The following ARHGAP25 variants were observed in gnomAD, a reference collection of about 807,000 sequenced individuals.
The protein encoded by ARHGAP25 is rho GTPase-activating protein 25.
A neutral mutation model predicts 71.0 loss-of-function variants in ARHGAP25; 34 were observed. The ratio of observed to expected loss-of-function variants is 0.48; its 90% CI spans 0.36 to 0.64. The LOEUF (loss-of-function observed/expected upper bound fraction) is 0.64, where lower values mean the gene tolerates loss of function less well. Among genes scored for constraint, ARHGAP25 ranks in the 30% least tolerant of loss-of-function variants. The pLI is 0.00. For synonymous variants in ARHGAP25, 282 were observed against 296.5 expected (o/e 0.95, Z 0.50); for missense variants, 706 against 805.1 (o/e 0.88, Z 1.49).
chr2:68,712,285 A>G (rs576280990), intron 2 of ARHGAP25, among the ~76,000 whole-genome samples: 1 of 152,136 alleles, frequency 6.6e-6, no homozygotes, highest in Non-Finnish European at 1.5e-5. Flanking sequence ...GCTTCTTTTC[A>G]TATGTTCGTT....
intron 1 of ARHGAP25, among the ~76,000 whole-genome samples, chr2:68,739,521 T>C (rs1375063028): frequency 1.3e-5 from 2 of 151,994 alleles, no homozygotes; most frequent in African/African-American, 2.4e-5. Context: ...TTGAGAGAAG[T>C]AAGTTGATGA....
intron 2 of ARHGAP25, among the ~76,000 whole-genome samples, chr2:68,713,925 G>A (rs1674549340): frequency 6.6e-6 from 1 of 152,186 alleles, no homozygotes; most frequent in Admixed American, 6.5e-5. Flanking sequence ...ATGTTCATCA[G>A]GGATATTGGC....
intron 4 of ARHGAP25, among the ~76,000 whole-genome samples, chr2:68,799,675 C>T (rs1679822734): frequency 6.6e-6 from 1 of 152,152 alleles, no homozygotes; most frequent in East Asian, 1.9e-4. Flanking sequence ...CGGTCCTTGA[C>T]AGCTTTATGT....
chr2:68,782,232 G>C lies in ARHGAP25; in HGVS notation c.262-1G>C. On this transcript the variant is annotated splice_acceptor_variant, in intron 2 of 10. Coordinates refer to ENST00000409202, the MANE Select transcript of ARHGAP25 (RefSeq NM_001007231.3). LOFTEE classifies it high-confidence loss of function. ...TTAAGGCCTGACTTTTCATCTTTCA[G>C]GGCTGCATGTATCTACCAGGATGTA... 1 of 1,613,754 alleles carries C rather than the reference G, an allele frequency of 6.2e-7. No individual in the cohort carries two copies. The highest frequency in any genetic ancestry group is 8.5e-7 in the Non-Finnish European group (1 of 1,179,814).
chr2:68,713,464 C>T (rs1342576230), intron 2 of ARHGAP25, among the ~76,000 whole-genome samples: 1 of 152,186 alleles, frequency 6.6e-6, no homozygotes, highest in African/African-American at 2.4e-5. Context: ...GACAATTTGA[C>T]TTCCTCTCTT....
At chr2:68,729,993 T>G (rs1268743971), upstream of ARHGAP25, among the ~76,000 whole-genome samples, 1 of 152,236 alleles carries the variant, frequency 6.6e-6, no homozygotes, top group African/African-American at 2.4e-5. Flanking sequence ...ACACAGGGAT[T>G]TGTTAAATTA....
chr2:68,823,009 A>G, intron 10 of ARHGAP25, 137 bp downstream of exon 10: 3 of 894,792 alleles, frequency 3.4e-6, no homozygotes, highest in Non-Finnish European at 4.9e-6. Flanking sequence ...AGGCCTAGAA[A>G]GAAAAGAGTA....
chr2:68,788,268 A>G lies in ARHGAP25; in HGVS notation c.466+312A>G, dbSNP rs184369683. 2.6e-3 allele frequency among the ~76,000 whole-genome samples: 391 copies of G among 152,252 alleles called. 1 individual carries two copies. The highest frequency in any genetic ancestry group is 3.8e-3 in the Non-Finnish European group (257 of 68,024). On this transcript the variant is annotated intron_variant, in intron 4 of 10. Coordinates refer to ENST00000409202, the MANE Select transcript of ARHGAP25 (RefSeq NM_001007231.3). ...GTAGTGCTTTCTCCTCTCTGGGCCA[A>G]AGTACTCTCATCTGTAAAATGAATG...
intron 2 of ARHGAP25, among the ~76,000 whole-genome samples, chr2:68,726,917 T>C (rs564589130): frequency 6.6e-6 from 1 of 152,220 alleles, no homozygotes; most frequent in East Asian, 1.9e-4. Flanking sequence ...TCTTTTTTTT[T>C]TCTTTTCCTT....
chr2:68,742,136 C>A (rs778719432), intron 1 of ARHGAP25, among the ~76,000 whole-genome samples: 10 of 152,180 alleles, frequency 6.6e-5, no homozygotes, highest in Non-Finnish European at 1.5e-4. Context: ...CCATCCACCC[C>A]CAAAATATGC....
intron 1 of ARHGAP25, among the ~76,000 whole-genome samples, chr2:68,740,785 T>A (rs903375800): frequency 6.6e-5 from 10 of 152,094 alleles, no homozygotes; most frequent in African/African-American, 2.4e-4. Flanking sequence ...ACAAAATGAG[T>A]TGTTCTTAAT....
rs191114320 is a variant in ARHGAP25, at chr2:68,713,379, C to T, written c.-18+2681C>T. 9.3e-4 allele frequency among the ~76,000 whole-genome samples: 142 copies of T among 152,324 alleles called. No individual in the cohort carries two copies. In the Middle Eastern group the frequency reaches 0.01, roughly 11 times the overall value. On this transcript the variant is annotated intron_variant and NMD_transcript_variant, in intron 2 of 7. Coordinates refer to the ARHGAP25 transcript ENST00000463483. The stretch of plus-strand genomic sequence containing the variant: ...ATATCCTGAGATTTTGCTGAAGTTG[C>T]TTATCAGCTTAAGGAGATTTGGGGC...
intron 2 of ARHGAP25, among the ~76,000 whole-genome samples, chr2:68,712,309 T>C (rs1674505374): frequency 1.3e-5 from 2 of 152,210 alleles, no homozygotes; most frequent in South Asian, 4.1e-4. Context: ...CACATAAATG[T>C]CTTCTTTTGA....
chr2:68,787,754 C>A, intron 3 of ARHGAP25, 86 bp from the exon 4 acceptor site: 1 of 1,037,996 alleles, frequency 9.6e-7, no homozygotes, highest in Non-Finnish European at 1.5e-6. Flanking sequence ...ACCAAGACAT[C>A]AATTTAGGTC....
At chr2:68,738,930 A>G (rs1675366339) in intron 1 of ARHGAP25, among the ~76,000 whole-genome samples, 2 of 152,130 alleles carry the variant, frequency 1.3e-5, no homozygotes, top group South Asian at 2.1e-4. Flanking sequence ...CAGAGGTTAC[A>G]TTGCCATTGG....
intron 4 of ARHGAP25, among the ~76,000 whole-genome samples, chr2:68,794,803 G>A (rs1265906187): frequency 1.3e-5 from 2 of 152,114 alleles, no homozygotes; most frequent in East Asian, 1.9e-4. Context: ...GAGTTAGGGA[G>A]AATTCTCTCC....
intron 4 of ARHGAP25, among the ~76,000 whole-genome samples, chr2:68,791,238 G>T (rs1423416132): frequency 6.6e-6 from 1 of 152,168 alleles, no homozygotes; most frequent in Non-Finnish European, 1.5e-5. Context: ...TTCCTAGCTA[G>T]ACTCCCCTCA....
upstream of ARHGAP25, among the ~76,000 whole-genome samples, chr2:68,731,061 C>A (rs1675009876): frequency 6.6e-6 from 1 of 152,174 alleles, no homozygotes; most frequent in African/African-American, 2.4e-5. Flanking sequence ...CTTGTTTAAT[C>A]AGCATCCAAC....
Position 68,826,283 on chromosome 2 carries a change from A to T in ARHGAP25, c.*89A>T. On this transcript the variant is annotated 3_prime_UTR_variant, in exon 11 of 11. Transcript: ENST00000409202. ...TATCTGATGACGGGGAAACAAAATT[A>T]TTCTCTGAGAGGGAAAGGACATTTG... 8.3e-7 allele frequency: 1 copy of T among 1,211,706 alleles called. No individual in the cohort carries two copies. The highest frequency in any genetic ancestry group is 1.2e-5 in the South Asian group (1 of 80,990). 75.1% of individuals were successfully genotyped at this position (1,211,706 alleles called of 1,614,324 possible).
Sources: allele counts gnomAD v4.1 joint callset (sites outside exome capture counted in the v4.1 genomes callset), GRCh38; gene constraint gnomAD v4.1.1; transcripts MANE v1.5; gene names NCBI Gene and HGNC (gene_info 2026-07-23, HGNC 2026-07-21).